Variants in COL26A1 observed in about 807,000 individuals in gnomAD.
COL26A1 encodes collagen type XXVI alpha 1 chain.
A neutral mutation model predicts 59.3 loss-of-function variants in COL26A1; 41 were observed. The observed-to-expected ratio is 0.69, with a 90% CI of 0.54 to 0.90. The LOEUF (loss-of-function observed/expected upper bound fraction) is 0.90. Among genes scored for constraint, COL26A1 ranks in the 40% least tolerant of loss-of-function variants. The pLI is 0.00. For missense variants in COL26A1, 612 were observed against 602.3 expected (o/e 1.02, Z -0.17); for synonymous variants, 266 against 256.0 (o/e 1.04, Z -0.37).
intron 1 of COL26A1, among the ~76,000 whole-genome samples, chr7:101,373,742 C>A (rs1791245328): frequency 6.6e-6 from 1 of 152,184 alleles, no homozygotes; most frequent in Non-Finnish European, 1.5e-5. Flanking sequence ...AGGAGGGAGA[C>A]TTTTCCTGAG....
intron 1 of COL26A1, among the ~76,000 whole-genome samples, chr7:101,410,466 C>T (rs541377831): frequency 6.6e-6 from 1 of 152,318 alleles, no homozygotes; most frequent in Non-Finnish European, 1.5e-5. Flanking sequence ...GACAGCCTGC[C>T]TGGGACTAGG....
chr7:101,422,631 T>C (rs201102268), intron 2 of COL26A1, among the ~76,000 whole-genome samples: 2 of 124,150 alleles, frequency 1.6e-5, no homozygotes, highest in Non-Finnish European at 3.3e-5. Flanking sequence ...GAAGTGGCTG[T>C]CCTACTCTTT....
intron 2 of COL26A1, among the ~76,000 whole-genome samples, chr7:101,446,046 CAAAAAAAAAAAAAAA>C (rs60343304): frequency 3.9e-5 from 2 of 50,994 alleles, no homozygotes; most frequent in African/African-American, 1.4e-4. Flanking sequence ...GACTCCGTCT[CAAAAAAAAAAAAAAA>C]AAAAAAAAAG....
chr7:101,388,901 GT>G (rs2117048969), intron 1 of COL26A1: 1 of 184,532 alleles, frequency 5.4e-6, no homozygotes, highest in Admixed American at 5.9e-5. Flanking sequence ...TAGCGACTGA[GT>G]AGCTCCTCTT....
chr7:101,492,793 G>A lies in COL26A1; in HGVS notation c.386-40289G>A, dbSNP rs142411013. Among the ~76,000 whole-genome samples, 362 of 152,088 alleles carry A rather than the reference G, an allele frequency of 2.4e-3. 1 individual carries two copies. The highest frequency in any genetic ancestry group is 8.4e-3 in the African/African-American group (348 of 41,550). The stretch of plus-strand genomic sequence containing the variant: ...CTTGTTCTGTTGCCCAGGCTGGAGT[G>A]CAGTGGTGTGATTACAGCTCACTGC... On this transcript the variant is annotated intron_variant, in intron 3 of 12. Coordinates refer to ENST00000313669, the MANE Select transcript of COL26A1 (RefSeq NM_001278563.3).
chr7:101,409,451 G>T (rs1237012368), intron 1 of COL26A1, among the ~76,000 whole-genome samples: 2 of 152,184 alleles, frequency 1.3e-5, no homozygotes, highest in East Asian at 3.8e-4. Flanking sequence ...TAAAATTCCT[G>T]CATGTCACAT....
intron 4 of COL26A1, 29 bp downstream of exon 4, chr7:101,533,172 G>A (rs1316284653): frequency 6.4e-7 from 1 of 1,562,042 alleles, no homozygotes; most frequent in South Asian, 1.2e-5. Context: ...TCTGGGCCTG[G>A]GGAGCTGCCT....
intron 3 of COL26A1, among the ~76,000 whole-genome samples, chr7:101,467,860 C>T (rs1203335236): frequency 1.3e-5 from 2 of 152,038 alleles, no homozygotes; most frequent in African/African-American, 4.8e-5. Flanking sequence ...GAGCGAGACT[C>T]CGTCTCAAAA....
intron 3 of COL26A1, among the ~76,000 whole-genome samples, chr7:101,462,258 A>T (rs374084540): frequency 4.6e-5 from 7 of 152,068 alleles, no homozygotes; most frequent in East Asian, 1.9e-4. Context: ...TTGGCCTCCC[A>T]GAGTGCTGGG....
intron 3 of COL26A1, among the ~76,000 whole-genome samples, chr7:101,496,899 A>G (rs1489647145): frequency 1.4e-5 from 2 of 147,614 alleles, no homozygotes; most frequent in East Asian, 4.0e-4. Context: ...AAAAAAAAAG[A>G]ATTCAGGGTG....
chr7:101,528,291 GC>G (rs1241439565), intron 3 of COL26A1, among the ~76,000 whole-genome samples: 2 of 152,186 alleles, frequency 1.3e-5, no homozygotes, highest in African/African-American at 4.8e-5. Context: ...CTTCCACCAT[GC>G]AGGGGATCCT....
intron 3 of COL26A1, among the ~76,000 whole-genome samples, chr7:101,485,571 A>T (rs1010843668): frequency 3.3e-5 from 5 of 152,052 alleles, no homozygotes; most frequent in African/African-American, 4.8e-5. Context: ...CCTCTGTTAC[A>T]GGTCTTGCCA....
chr7:101,547,760 CATTT>C (rs1464857797), intron 8 of COL26A1, among the ~76,000 whole-genome samples: 5 of 152,164 alleles, frequency 3.3e-5, no homozygotes, highest in African/African-American at 9.7e-5. Flanking sequence ...TTTATTCATT[CATTT>C]ATTCATTCAT....
At chr7:101,427,652 C>A in intron 2 of COL26A1, among the ~76,000 whole-genome samples, 1 of 120,494 alleles carries the variant, frequency 8.3e-6, no homozygotes, top group African/African-American at 3.7e-5. Flanking sequence ...CAGAGTGAAA[C>A]TGTTTCTTAA....
At chr7:101,415,148 ACC>A (rs66481106) in intron 1 of COL26A1, among the ~76,000 whole-genome samples, 25,603 of 142,416 alleles carry the variant, frequency 0.18, 2,647 homozygotes, top group Non-Finnish European at 0.24. Flanking sequence ...CCTGATCATA[ACC>A]CCCCCCCTTT....
rs1238714621 is a variant in COL26A1 at position 101,489,677 on chromosome 7, C to T, written c.385+41890C>T. Among the ~76,000 whole-genome samples the T allele has an allele frequency of 2.3e-3, 96 of 41,722 alleles. 2 individuals are homozygous for T. The highest frequency in any genetic ancestry group is 0.011 in the African/African-American group (35 of 3,210). The allele number at this position is 41,722 out of a possible 152,430, so 27.4% of individuals were successfully genotyped here. A position where few individuals can be genotyped will look rare whatever the true frequency, so the allele number is the denominator to read the frequency against. On this transcript the variant is annotated intron_variant, in intron 3 of 12. Coordinates refer to ENST00000313669, the MANE Select transcript of COL26A1 (RefSeq NM_001278563.3). ...TCTTTCTTTCTTCCTTCCTTCCTTC[C>T]TTCCTTTCTTTCTTTCTTTCTGTCT...
At chr7:101,553,039 C>T (rs979956439) in intron 10 of COL26A1, among the ~76,000 whole-genome samples, 5 of 152,224 alleles carry the variant, frequency 3.3e-5, no homozygotes, top group African/African-American at 1.2e-4. Context: ...CATGAACTTG[C>T]CGGCTTCCTA....
intron 3 of COL26A1, among the ~76,000 whole-genome samples, chr7:101,516,448 T>A (rs1020824543): frequency 6.6e-5 from 10 of 152,056 alleles, no homozygotes; most frequent in African/African-American, 2.4e-4. Context: ...GTTTTAATTT[T>A]TTTTTTAGAG....
intron 1 of COL26A1, among the ~76,000 whole-genome samples, chr7:101,367,671 G>GA (rs60293558): frequency 7.6e-4 from 85 of 111,700 alleles, no homozygotes; most frequent in Middle Eastern, 5.2e-3. Context: ...TCTCAAAAAA[G>GA]AAAAAAAAAA....
Sources: allele counts gnomAD v4.1 joint callset (sites outside exome capture counted in the v4.1 genomes callset), GRCh38; gene constraint gnomAD v4.1.1; transcripts MANE v1.5; gene names NCBI Gene and HGNC (gene_info 2026-07-23, HGNC 2026-07-21).